ARID4B: variants seen among roughly 807,000 people sequenced by gnomAD.
ARID4B encodes AT-rich interactive domain-containing protein 4B.
Under a neutral mutation model 147.5 loss-of-function variants are expected in ARID4B, and 26 were observed. The ratio of observed to expected loss-of-function variants is 0.18; its 90% CI spans 0.13 to 0.24. ARID4B has a LOEUF of 0.24. Among genes scored for constraint, ARID4B ranks in the 10% least tolerant of loss-of-function variants. The pLI, the probability that ARID4B is intolerant of heterozygous loss-of-function variation, is 1.00. For synonymous variants in ARID4B, 512 were observed against 507.9 expected, an observed-to-expected ratio of 1.01 and a Z score of -0.11; for missense variants, 1,179 against 1,511.5, an observed-to-expected ratio of 0.78 and a Z score of 3.65.
chr1:235,245,563 T>A (rs1028265749), intron 7 of ARID4B, among the ~76,000 whole-genome samples: 3 of 152,056 alleles, frequency 2.0e-5, no homozygotes, highest in Admixed American at 6.6e-5. Flanking sequence ...AACGTAGAAA[T>A]TTTTTAAAGT....
At chr1:235,258,088 T>C (rs962161994) in intron 3 of ARID4B, among the ~76,000 whole-genome samples, 1 of 152,028 alleles carries the variant, frequency 6.6e-6, no homozygotes, top group African/African-American at 2.4e-5. Context: ...TCCCAGCACT[T>C]TGGAAGGCCG....
In ARID4B at chr1:235,181,852, G is replaced by A; in HGVS notation, c.3067C>T (p.Pro1023Ser). Residue 1023 changes from proline (P) to serine (S), a missense_variant, in exon 20 of 24, where the codon CCT becomes TCT. Physicochemically the swap from Pro to Ser is moderately conservative, Grantham distance 74. This residue lies in a region of ARID4B where 357 missense variants were observed against 427.3 expected (regional missense o/e 0.84). Coordinates refer to ENST00000264183, the MANE Select transcript of ARID4B (RefSeq NM_016374.6). Reference protein sequence around the residue: ...SSGSNSVLNTPPTTPESPSSV... With the variant: ...SSGSNSVLNTSPTTPESPSSV... ...GAAGGCGATTCAGGTGTAGTAGGAG[G>A]GGTATTTAGCACTGAATTACTGCCA... is the stretch of plus-strand genomic sequence containing the variant. 6.2e-7 allele frequency: 1 copy of A among 1,614,108 alleles called. No homozygotes were observed. The highest frequency in any genetic ancestry group is 8.5e-7 in the Non-Finnish European group (1 of 1,180,018).
rs1483773457 is a variant in ARID4B, at chr1:235,236,861, TA to T, written c.586-2370del. Reference sequence around the variant, plus strand: ...ATATATATATATATATATATATATATATTTTTTTTTTTTTTTTTTTTTTTTT... The same window carrying T: ...ATATATATATATATATATATATATATTTTTTTTTTTTTTTTTTTTTTTTTT... On this transcript the variant is annotated intron_variant, in intron 8 of 23. Transcript: ENST00000264183. 4.4e-3 allele frequency among the ~76,000 whole-genome samples: 150 copies of T among 34,392 alleles called. 2 individuals are homozygous for T. The highest frequency in any genetic ancestry group is 4.9e-3 in the Non-Finnish European group (88 of 18,038). 22.6% of individuals were successfully genotyped at this position (34,392 alleles called of 152,430 possible).
intron 2 of ARID4B, among the ~76,000 whole-genome samples, chr1:235,293,151 T>C (rs992616696): frequency 6.6e-6 from 1 of 152,222 alleles, no homozygotes; most frequent in African/African-American, 2.4e-5. Context: ...CACTATGACA[T>C]AGGTGCTGCT....
At chr1:235,315,308 T>C (rs558116157) in intron 2 of ARID4B, among the ~76,000 whole-genome samples, 104 of 152,294 alleles carry the variant, frequency 6.8e-4, no homozygotes, top group African/African-American at 2.4e-3. Context: ...GCATTATTTG[T>C]AGTCTCAGCT....
chr1:235,231,013 A>T, intron 10 of ARID4B, 100 bp downstream of exon 10: 1 of 810,674 alleles, frequency 1.2e-6, no homozygotes, highest in Non-Finnish European at 2.0e-6. Context: ...ATAAAAACAT[A>T]ATTTAAAGAA....
chr1:235,177,968 A>G (rs1369883666), intron 20 of ARID4B, 55 bp from the exon 21 acceptor site: 5 of 994,546 alleles, frequency 5.0e-6, no homozygotes, highest in Non-Finnish European at 7.4e-6. Context: ...TTCCCTAAGT[A>G]TAAATTAATT....
intron 2 of ARID4B, among the ~76,000 whole-genome samples, chr1:235,295,304 G>A (rs1353539563): frequency 6.6e-6 from 1 of 151,418 alleles, no homozygotes; most frequent in African/African-American, 2.4e-5. Context: ...GAGGTCCAGA[G>A]TTCGAGACCG....
intron 16 of ARID4B, among the ~76,000 whole-genome samples, chr1:235,218,914 G>A (rs1667265394): frequency 1.4e-5 from 2 of 138,312 alleles, no homozygotes; most frequent in African/African-American, 2.7e-5. Context: ...CCCCCAAGCT[G>A]GCCTACAGTG....
intron 8 of ARID4B, among the ~76,000 whole-genome samples, chr1:235,237,462 A>C (rs1039224757): frequency 6.6e-5 from 10 of 152,180 alleles, no homozygotes; most frequent in African/African-American, 2.4e-4. Context: ...AAAACAAATA[A>C]TTGTCCTCAT....
chr1:235,233,026 C>T (rs1358193011), intron 9 of ARID4B, among the ~76,000 whole-genome samples: 1 of 152,030 alleles, frequency 6.6e-6, no homozygotes, highest in Admixed American at 6.6e-5. Flanking sequence ...TTAGTAGAGA[C>T]GGAGTTTTGC....
At chr1:235,170,743 TTAA>T (rs1224029432) in intron 23 of ARID4B, among the ~76,000 whole-genome samples, 1 of 150,278 alleles carries the variant, frequency 6.7e-6, no homozygotes. Flanking sequence ...GTCTCAAAAA[TTAA>T]TAATAATATT....
intron 2 of ARID4B, among the ~76,000 whole-genome samples, chr1:235,315,470 G>GT (rs1385699897): frequency 6.6e-6 from 1 of 152,182 alleles, no homozygotes; most frequent in Non-Finnish European, 1.5e-5. Flanking sequence ...AAGATATAGT[G>GT]TAAGTAATCT....
intron 19 of ARID4B, among the ~76,000 whole-genome samples, chr1:235,187,455 T>C (rs937284202): frequency 3.3e-5 from 5 of 152,352 alleles, no homozygotes; most frequent in East Asian, 3.9e-4. Context: ...CTATTAAAAC[T>C]TGATTGACAC....
At chr1:235,181,422 C>T (rs776097503) in intron 20 of ARID4B, 163 bp downstream of exon 20, 2 of 945,894 alleles carry the variant, frequency 2.1e-6, no homozygotes, top group South Asian at 1.7e-5. Context: ...TAAATGCATT[C>T]CACTATTCAT....
intron 2 of ARID4B, among the ~76,000 whole-genome samples, chr1:235,272,577 G>C (rs938190775): frequency 1.3e-5 from 2 of 151,854 alleles, no homozygotes; most frequent in African/African-American, 2.4e-5. Context: ...TCAAACTTTA[G>C]GTTCATAACT....
chr1:235,304,700 A>T (rs916448564), intron 2 of ARID4B, among the ~76,000 whole-genome samples: 3 of 152,204 alleles, frequency 2.0e-5, no homozygotes, highest in African/African-American at 7.2e-5. Context: ...CAGGCACTCA[A>T]ATTGGAGTTT....
chr1:235,200,088 A>T (rs570573518), intron 17 of ARID4B, among the ~76,000 whole-genome samples: 15 of 151,986 alleles, frequency 9.9e-5, no homozygotes, highest in Non-Finnish European at 2.1e-4. Context: ...GGAGGCCCAG[A>T]CAGGCAGATC....
At chr1:235,302,935 C>CTTTTTT (rs71172294) in intron 2 of ARID4B, among the ~76,000 whole-genome samples, 42,430 of 149,338 alleles carry the variant, frequency 0.28, 7,151 homozygotes, top group South Asian at 0.52. Context: ...TTCTTTTTTT[C>CTTTTTT]TTTTTTTTGA....
Sources: gnomAD v4.1 joint callset for allele counts (sites outside exome capture counted in the v4.1 genomes callset) on GRCh38, gnomAD v4.1.1 for gene constraint, gnomAD v4.1.1 regional missense constraint, MANE v1.5 for transcripts, NCBI Gene and HGNC (gene_info 2026-07-23, HGNC 2026-07-21) for gene names.